NPAS3: variants seen among roughly 807,000 people sequenced by gnomAD.
The protein encoded by NPAS3 is neuronal PAS domain protein 3, also known as neuronal PAS domain-containing protein 3.
A neutral mutation model predicts 73.1 loss-of-function variants in NPAS3; 14 were observed. That is an observed-to-expected ratio of 0.19 (90% CI 0.13 to 0.30). The LOEUF (loss-of-function observed/expected upper bound fraction) is 0.30, where lower values mean the gene tolerates loss of function less well. Ranked by LOEUF, NPAS3 falls within the 10% of genes least tolerant of loss-of-function variation. The pLI is 1.00. For synonymous variants in NPAS3, 620 were observed against 541.5 expected, an observed-to-expected ratio of 1.14 and a Z score of -2.01; for missense variants, 1,096 against 1,250.0, an observed-to-expected ratio of 0.88 and a Z score of 1.86.
intron 2 of NPAS3, among the ~76,000 whole-genome samples, chr14:33,148,383 G>A (rs1466084436): frequency 6.6e-6 from 1 of 151,990 alleles, no homozygotes; most frequent in Non-Finnish European, 1.5e-5. Flanking sequence ...CTGTTTTGTT[G>A]TATCAGTAAT....
chr14:33,777,571 A>AC (rs1491421583), intron 8 of NPAS3, among the ~76,000 whole-genome samples: 5 of 151,936 alleles, frequency 3.3e-5, no homozygotes, highest in African/African-American at 9.7e-5. Context: ...AAAAAAAAAA[A>AC]ACACATGAAG....
intron 5 of NPAS3, among the ~76,000 whole-genome samples, chr14:33,584,149 G>A (rs1215999603): frequency 6.6e-6 from 1 of 152,096 alleles, no homozygotes; most frequent in African/African-American, 2.4e-5. Context: ...TTCAAAATGT[G>A]TATAGTTATT....
intron 7 of NPAS3, among the ~76,000 whole-genome samples, chr14:33,747,130 C>T (rs2061830212): frequency 6.6e-6 from 1 of 151,946 alleles, no homozygotes; most frequent in African/African-American, 2.4e-5. Flanking sequence ...TATAAAGACA[C>T]ATGCACACGT....
At position 33,800,335 on chromosome 14, in the gene NPAS3, C is replaced by T. The variant is rs764377860; in HGVS notation, c.2028C>T (p.Asn676=). Residue 676 remains asparagine (N), a synonymous_variant, in exon 12 of 12, where the codon AAC becomes AAT. Transcript: ENST00000356141. This position sits in a 1 kb window ranked among gnomAD's most constrained non-coding sequence, Gnocchi z 6.5. ...CGCCCAACCGGGAGATCTCCAGGAA[C>T]GAGTCCCCCTACAGCATGACCAAGC... is the stretch of plus-strand genomic sequence containing the variant. 3.1e-6 allele frequency: 5 copies of T among 1,613,236 alleles called. No individual in the cohort carries two copies. In the Admixed American group the frequency reaches 5.0e-5, roughly 16 times the overall value.
At chr14:33,112,358 C>T (rs1289327255) in intron 2 of NPAS3, among the ~76,000 whole-genome samples, 2 of 152,240 alleles carry the variant, frequency 1.3e-5, no homozygotes, top group East Asian at 3.9e-4. Flanking sequence ...TAATGATCAC[C>T]ATTCTAACTG....
chr14:33,342,230 T>A (rs955985346), intron 3 of NPAS3, among the ~76,000 whole-genome samples: 4 of 152,206 alleles, frequency 2.6e-5, no homozygotes, highest in Admixed American at 2.0e-4. Context: ...GAGGTGATCA[T>A]AAGCTGTGAA....
intron 3 of NPAS3, among the ~76,000 whole-genome samples, chr14:33,349,205 G>A (rs1470523724): frequency 6.6e-6 from 1 of 152,082 alleles, no homozygotes; most frequent in East Asian, 1.9e-4. Flanking sequence ...TGTGTTGGTA[G>A]GAATTTTATT....
At chr14:33,293,961 A>G (rs1364473392) in intron 3 of NPAS3, among the ~76,000 whole-genome samples, 1 of 152,226 alleles carries the variant, frequency 6.6e-6, no homozygotes, top group Non-Finnish European at 1.5e-5. Flanking sequence ...TAAATAGTGT[A>G]GGCAACCTGC....
intron 4 of NPAS3, among the ~76,000 whole-genome samples, chr14:33,369,097 T>C (rs1412745111): frequency 2.6e-5 from 4 of 152,114 alleles, no homozygotes; most frequent in South Asian, 4.1e-4. Flanking sequence ...AAATATATAA[T>C]GTAAAATGGC....
At chr14:33,391,310 C>T (rs1334018205) in intron 4 of NPAS3, among the ~76,000 whole-genome samples, 1 of 151,386 alleles carries the variant, frequency 6.6e-6, no homozygotes, top group Non-Finnish European at 1.5e-5. Flanking sequence ...TCTCCTGCCT[C>T]AGCCTCCCAA....
At chr14:33,802,386 A>G (rs1207556226), downstream of NPAS3, 3 of 150,336 alleles carry the variant, frequency 2.0e-5, no homozygotes, top group African/African-American at 4.9e-5. Context: ...TAAAAAAAAA[A>G]AAAAAGAAAA....
At chr14:33,755,733 T>G (rs1211001517) in intron 7 of NPAS3, among the ~76,000 whole-genome samples, 1 of 152,172 alleles carries the variant, frequency 6.6e-6, no homozygotes, top group Non-Finnish European at 1.5e-5. Context: ...GGGTATTTTA[T>G]GAGGGAAAGA....
intron 5 of NPAS3, among the ~76,000 whole-genome samples, chr14:33,633,801 G>C (rs961881294): frequency 1.3e-5 from 2 of 152,078 alleles, no homozygotes; most frequent in African/African-American, 4.8e-5. Flanking sequence ...GCAACATAGT[G>C]AGACTCCATC....
At chr14:33,055,756 C>G (rs1319915953) in intron 1 of NPAS3, 149 bp from the exon 2 acceptor site, 6 of 474,344 alleles carry the variant, frequency 1.3e-5, no homozygotes, top group Non-Finnish European at 2.2e-5. Context: ...AGTTAATGTT[C>G]TAAAATGTAT....
chr14:32,978,417 A>G (rs755086248), intron 1 of NPAS3, among the ~76,000 whole-genome samples: 22 of 152,198 alleles, frequency 1.4e-4, no homozygotes, highest in Non-Finnish European at 3.2e-4. Flanking sequence ...GCGTGAATAG[A>G]GTCCTCCAGA....
At chr14:33,656,949 C>T (rs113382223) in intron 5 of NPAS3, among the ~76,000 whole-genome samples, 30 of 152,234 alleles carry the variant, frequency 2.0e-4, no homozygotes, top group African/African-American at 6.7e-4. Context: ...GCCTTATTCA[C>T]AGTAGCCAAG....
intron 5 of NPAS3, among the ~76,000 whole-genome samples, chr14:33,671,682 G>A (rs1414682348): frequency 6.6e-6 from 1 of 152,182 alleles, no homozygotes. Context: ...AATACACTAA[G>A]CAACGTGAGA....
At chr14:33,357,629 C>T (rs758777847) in intron 3 of NPAS3, among the ~76,000 whole-genome samples, 11 of 152,246 alleles carry the variant, frequency 7.2e-5, no homozygotes, top group South Asian at 2.1e-4. Flanking sequence ...AGCGCCCCCG[C>T]GGGCTGGGCC....
At chr14:33,663,533 T>C (rs2140284155) in intron 5 of NPAS3, among the ~76,000 whole-genome samples, 1 of 152,284 alleles carries the variant, frequency 6.6e-6, no homozygotes. Flanking sequence ...TTTTCTTTTT[T>C]TGTTGTGTCT....
Sources: allele counts gnomAD v4.1 joint callset (sites outside exome capture counted in the v4.1 genomes callset), GRCh38; gene constraint gnomAD v4.1.1; non-coding constraint Gnocchi (gnomAD v3.1); transcripts MANE v1.5; gene names NCBI Gene and HGNC (gene_info 2026-07-23, HGNC 2026-07-21).